Variants in AMZ2 observed in about 807,000 individuals in gnomAD.
AMZ2 encodes archaemetzincin-2.
Under a neutral mutation model 36.7 loss-of-function variants are expected in AMZ2, and 26 were observed. The observed-to-expected ratio is 0.71, with a 90% CI of 0.52 to 0.98. The LOEUF (loss-of-function observed/expected upper bound fraction) is 0.98, where lower values mean the gene tolerates loss of function less well. AMZ2 is among the 50% of genes least tolerant of loss of function. AMZ2 has a pLI of 0.00. For synonymous variants in AMZ2, 144 were observed against 149.1 expected (o/e 0.97, Z 0.25); for missense variants, 394 against 430.5 (o/e 0.92, Z 0.75).
rs1568383802 is a variant in AMZ2, at chr17:68,254,411, GATATTCAGCTT to G, written c.595_605del (p.Ile199CysfsTer6). The G allele has an allele frequency of 1.2e-6, 2 of 1,611,690 alleles. No homozygotes were observed. The highest frequency in any genetic ancestry group is 1.3e-5 in the African/African-American group (1 of 74,826). On this transcript the variant is annotated frameshift_variant, in exon 5 of 7. Transcript: ENST00000359904. LOFTEE classifies it high-confidence loss of function. ...TTTGTCCTTTTTTTGTAGGTGTGGG[GATATTCAGCTT>G]TGCCAGGTATGGCAGTGATTTTTAT...
At chr17:68,224,257 G>T (rs1174307396) in intron 1 of AMZ2, among the ~76,000 whole-genome samples, 1 of 152,176 alleles carries the variant, frequency 6.6e-6, no homozygotes, top group African/African-American at 2.4e-5. Flanking sequence ...ATTTTCTAGA[G>T]AATTGCTGTG....
At chr17:68,234,310 G>A (rs371321668) in intron 1 of AMZ2, among the ~76,000 whole-genome samples, 1 of 151,828 alleles carries the variant, frequency 6.6e-6, no homozygotes. Flanking sequence ...TTAACCAGGT[G>A]TGGTGGCACA....
chr17:68,220,747 G>A (rs1294704811), intron 1 of AMZ2, among the ~76,000 whole-genome samples: 5 of 150,964 alleles, frequency 3.3e-5, no homozygotes, highest in Admixed American at 2.6e-4. Flanking sequence ...TTCCATCTAC[G>A]TGCAATCAGG....
At chr17:68,248,740 T>G in intron 1 of AMZ2, 35 bp downstream of exon 1, 3 of 991,778 alleles carry the variant, frequency 3.0e-6, no homozygotes, top group Non-Finnish European at 3.6e-6. Context: ...TCTTGTTTTA[T>G]ATTTTGTCCT....
chr17:68,243,658 T>C (rs564786056), upstream of AMZ2, among the ~76,000 whole-genome samples: 2 of 152,340 alleles, frequency 1.3e-5, no homozygotes, highest in Admixed American at 6.5e-5. Flanking sequence ...AAGCTATTAA[T>C]ACTCCATGTC....
chr17:68,228,699 A>G (rs1455119778), intron 1 of AMZ2, among the ~76,000 whole-genome samples: 13 of 152,312 alleles, frequency 8.5e-5, no homozygotes, highest in Non-Finnish European at 1.6e-4. Context: ...AGCATCTATT[A>G]TTATGTGCTA....
chr17:68,206,144 T>C, exon 1 of AMZ2: 3 of 1,306,758 alleles, frequency 2.3e-6, no homozygotes, highest in Non-Finnish European at 2.9e-6. Context: ...ACGAGGCTGA[T>C]TCCGATTATC....
rs2074364170 is a variant in AMZ2 at position 68,250,406 on chromosome 17, C to A, written c.219C>A (p.Phe73Leu). ...AGGCTCCCCAAGACTTTGAACAGTTCTTCAGTGATCCTTACAGAAAGACAC... is the reference window on the plus strand; with the variant it reads ...AGGCTCCCCAAGACTTTGAACAGTTATTCAGTGATCCTTACAGAAAGACAC... Reference protein sequence around the residue: ...HPEAPQDFEQFFSDPYRKTPS... With the variant: ...HPEAPQDFEQLFSDPYRKTPS... The change falls in exon 2 of 7, where the codon TTC becomes TTA. Residue 73 changes from phenylalanine (F) to leucine (L), a missense_variant. Coordinates refer to ENST00000359904, the MANE Select transcript of AMZ2 (RefSeq NM_016627.5). 6.2e-7 allele frequency: 1 copy of A among 1,614,048 alleles called. No homozygotes were observed. Among genetic ancestry groups the A allele is most frequent in the African/African-American group, 1.3e-5 (1 of 74,908 alleles).
intron 1 of AMZ2, among the ~76,000 whole-genome samples, chr17:68,210,134 C>T (rs1555725562): frequency 2.0e-5 from 3 of 152,074 alleles, no homozygotes; most frequent in African/African-American, 4.8e-5. Flanking sequence ...GGCAGTTACT[C>T]AAAAAGTTAA....
At chr17:68,246,428 T>C (rs182355071), upstream of AMZ2, among the ~76,000 whole-genome samples, 2 of 152,196 alleles carry the variant, frequency 1.3e-5, no homozygotes, top group African/African-American at 2.4e-5. Flanking sequence ...AGAGGTCAAG[T>C]AGTTGACACA....
At chr17:68,213,327 A>G (rs1385625876) in intron 1 of AMZ2, among the ~76,000 whole-genome samples, 2 of 152,254 alleles carry the variant, frequency 1.3e-5, no homozygotes, top group African/African-American at 4.8e-5. Context: ...AAAAAATCAT[A>G]ATAACCAAAA....
chr17:68,216,754 G>C (rs782528502), intron 1 of AMZ2, among the ~76,000 whole-genome samples: 1 of 152,124 alleles, frequency 6.6e-6, no homozygotes, highest in African/African-American at 2.4e-5. Flanking sequence ...CTTTAGGCCG[G>C]GCACGGTGGC....
chr17:68,221,209 T>TCCCCCCCCCCCCCCCCC (rs55937321), intron 1 of AMZ2, among the ~76,000 whole-genome samples: 24 of 66,778 alleles, frequency 3.6e-4, no homozygotes, highest in Non-Finnish European at 4.0e-4. Context: ...AGCCCTCAGC[T>TCCCCCCCCCCCCCCCCC]CCCCCCCCCG....
chr17:68,217,427 G>A (rs1555727567), intron 1 of AMZ2, among the ~76,000 whole-genome samples: 1 of 152,182 alleles, frequency 6.6e-6, no homozygotes, highest in African/African-American at 2.4e-5. Context: ...TTTTAAAGAT[G>A]ATTTCAGGCA....
Position 68,210,415 on chromosome 17 carries a change from C to G in AMZ2, c.-67+4177C>G, listed in dbSNP as rs145543056. ...GAACCCTTGAGGGCATTATGCTAAG[C>G]GAAATAAGCCAGTCACCAAAGGACA... On this transcript the variant is annotated intron_variant, in intron 1 of 7. Transcript: ENST00000674770. Among the ~76,000 whole-genome samples, 29 of 152,196 alleles carry G rather than the reference C, an allele frequency of 1.9e-4. No homozygotes were observed. The East Asian group carries it at 5.4e-3, about 28-fold the overall frequency.
chr17:68,206,457 C>G (rs12945014), intron 1 of AMZ2: 30,706 of 231,248 alleles, frequency 0.13, 2,597 homozygotes, highest in Non-Finnish European at 0.16. Flanking sequence ...TTGCAGTTTG[C>G]AGGCTACACT....
intron 1 of AMZ2, chr17:68,248,930 A>G (rs189488335): frequency 2.9e-6 from 2 of 679,002 alleles, no homozygotes; most frequent in East Asian, 1.1e-4. Context: ...CTATCATTAA[A>G]CTGGCAAAAT....
chr17:68,241,154 A>G (rs1465256557), intron 1 of AMZ2, among the ~76,000 whole-genome samples: 1 of 152,202 alleles, frequency 6.6e-6, no homozygotes, highest in Non-Finnish European at 1.5e-5. Flanking sequence ...AAAAAATGTA[A>G]CCAGTGTGCA....
Position 68,254,573 on chromosome 17 carries a change from TTATTAC to T in AMZ2, c.750+7_750+12del. The T allele has an allele frequency of 6.2e-7, 1 of 1,605,040 alleles. No individual in the cohort carries two copies. Among genetic ancestry groups the T allele is most frequent in the Non-Finnish European group, 8.5e-7 (1 of 1,174,278 alleles). ...TACTACTTCGATCCTGTAAGGTAAGTTATTACAAAAATCTGACAGGACAGTTCTTTA... is the reference window on the plus strand; with the variant it reads ...TACTACTTCGATCCTGTAAGGTAAGTAAAAATCTGACAGGACAGTTCTTTA... On this transcript the variant is annotated splice_region_variant and intron_variant, in intron 5 of 6. Transcript: ENST00000359904.
Sources: allele counts gnomAD v4.1 joint callset (sites outside exome capture counted in the v4.1 genomes callset), GRCh38; gene constraint gnomAD v4.1.1; transcripts MANE v1.5; gene names NCBI Gene and HGNC (gene_info 2026-07-23, HGNC 2026-07-21).